ARL8B: variants seen among roughly 807,000 people sequenced by gnomAD.
ARL8B encodes ADP-ribosylation factor-like protein 8B.
Under a neutral mutation model 30.6 loss-of-function variants are expected in ARL8B, and 9 were observed. That is an observed-to-expected ratio of 0.29 (90% CI 0.18 to 0.51). ARL8B has a LOEUF of 0.51. Among genes scored for constraint, ARL8B ranks in the 20% least tolerant of loss-of-function variants. ARL8B has a pLI of 0.97. For missense variants in ARL8B, 130 were observed against 227.2 expected (o/e 0.57, Z 2.75); for synonymous variants, 74 against 76.0 (o/e 0.97, Z 0.14).
intron 4 of ARL8B, among the ~76,000 whole-genome samples, chr3:5,173,597 G>A (rs1360716064): frequency 6.6e-6 from 1 of 152,114 alleles, no homozygotes; most frequent in African/African-American, 2.4e-5. Context: ...GGGCGTGGTG[G>A]TGGGCGCCTG....
chr3:5,131,301 G>A (rs2054280997), intron 1 of ARL8B, among the ~76,000 whole-genome samples: 1 of 151,972 alleles, frequency 6.6e-6, no homozygotes, highest in African/African-American at 2.4e-5. Flanking sequence ...GGAAAATCTA[G>A]GAAAAGAAAG....
intron 1 of ARL8B, among the ~76,000 whole-genome samples, chr3:5,129,079 G>A (rs2054258397): frequency 6.6e-6 from 1 of 152,148 alleles, no homozygotes; most frequent in Admixed American, 6.5e-5. Context: ...TCCAGAGTTG[G>A]TATTTCTGGG....
Position 5,122,298 on chromosome 3 carries a change from T to A in ARL8B, c.-168T>A. The stretch of plus-strand genomic sequence containing the variant: ...GTGGGGGGTAGGGCGAGTCATATGA[T>A]CCGCTCGGCTTCCTGGGTCTGGCTG... On this transcript the variant is annotated 5_prime_UTR_variant, in exon 1 of 7. Coordinates refer to ENST00000256496, the MANE Select transcript of ARL8B (RefSeq NM_018184.3). 6.7e-7 allele frequency: 1 copy of A among 1,503,116 alleles called. No individual in the cohort carries two copies. The highest frequency in any genetic ancestry group is 8.9e-7 in the Non-Finnish European group (1 of 1,126,956). 93.1% of individuals were successfully genotyped at this position (1,503,116 alleles called of 1,614,324 possible). A position where few individuals can be genotyped will look rare whatever the true frequency, so the allele number is the denominator to read the frequency against.
chr3:5,128,580 A>G (rs2054252732), intron 1 of ARL8B: 3 of 358,760 alleles, frequency 8.4e-6, no homozygotes, highest in Non-Finnish European at 1.7e-5. Context: ...TTTTTCAAAG[A>G]TATAGTAAGT....
At chr3:5,155,906 GT>G (rs555724815) in intron 1 of ARL8B, among the ~76,000 whole-genome samples, 2,071 of 148,392 alleles carry the variant, frequency 0.014, 47 homozygotes, top group African/African-American at 0.049. Flanking sequence ...GTGTGTGTGT[GT>G]TGTTTTTGTT....
intron 1 of ARL8B, among the ~76,000 whole-genome samples, chr3:5,160,865 A>C (rs1337532030): frequency 6.6e-6 from 1 of 152,188 alleles, no homozygotes; most frequent in Non-Finnish European, 1.5e-5. Context: ...TGTTGCTACT[A>C]TTTGGGATGT....
chr3:5,130,489 G>T (rs2054272948), intron 1 of ARL8B, among the ~76,000 whole-genome samples: 1 of 151,314 alleles, frequency 6.6e-6, no homozygotes, highest in African/African-American at 2.4e-5. Flanking sequence ...CCTAATCTTG[G>T]ACCTATTATA....
intron 6 of ARL8B, 97 bp from the exon 7 acceptor site, chr3:5,178,567 T>A: frequency 8.6e-7 from 1 of 1,158,058 alleles, no homozygotes; most frequent in Middle Eastern, 2.0e-4. Context: ...AGGTCAGGCA[T>A]AGTGTGTGCC....
intron 5 of ARL8B, 115 bp downstream of exon 5, chr3:5,174,199 C>T: frequency 1.7e-6 from 2 of 1,148,156 alleles, no homozygotes; most frequent in Non-Finnish European, 2.6e-6. Flanking sequence ...AAAAGTTGGC[C>T]TATCAGAGAA....
intron 1 of ARL8B, among the ~76,000 whole-genome samples, chr3:5,153,941 C>A (rs1285083984): frequency 1.3e-5 from 2 of 149,870 alleles, no homozygotes; most frequent in South Asian, 4.2e-4. Context: ...TTTTTTTTTC[C>A]CCCTCCAGCA....
Position 5,154,576 on chromosome 3 carries a change from G to A in ARL8B, c.124-15927G>A, listed in dbSNP as rs75861835. Among the ~76,000 whole-genome samples the A allele has an allele frequency of 8.6e-4, 131 of 152,150 alleles. 1 individual carries two copies. The East Asian group carries it at 0.02, about 23-fold the overall frequency. ...TCTTCAAGATTTTTAAGTGTTCAGT[G>A]ATGTTAAGTACCTTCATATTGAATG... is the stretch of plus-strand genomic sequence containing the variant. On this transcript the variant is annotated intron_variant, in intron 1 of 6. Coordinates refer to ENST00000256496, the MANE Select transcript of ARL8B (RefSeq NM_018184.3).
intron 1 of ARL8B, among the ~76,000 whole-genome samples, chr3:5,125,717 G>GA (rs1387832330): frequency 6.6e-6 from 1 of 152,060 alleles, no homozygotes; most frequent in East Asian, 1.9e-4. Context: ...ATTTTTAGTA[G>GA]AGACGGGGTT....
At chr3:5,160,865 A>G (rs1337532030) in intron 1 of ARL8B, among the ~76,000 whole-genome samples, 1 of 152,188 alleles carries the variant, frequency 6.6e-6, no homozygotes. Context: ...TGTTGCTACT[A>G]TTTGGGATGT....
At chr3:5,162,200 A>G (rs1039253604) in intron 1 of ARL8B, among the ~76,000 whole-genome samples, 46 of 152,252 alleles carry the variant, frequency 3.0e-4, no homozygotes, top group African/African-American at 1.1e-3. Flanking sequence ...TCATAAATGC[A>G]TAGTATGAGA....
intron 1 of ARL8B, among the ~76,000 whole-genome samples, chr3:5,160,004 A>G (rs2054567713): frequency 6.6e-6 from 1 of 152,218 alleles, no homozygotes; most frequent in Non-Finnish European, 1.5e-5. Context: ...TGTGACTGGT[A>G]TACTAATAAC....
rs79590317 is a variant in ARL8B at position 5,146,440 on chromosome 3, A to C, written c.123+23852A>C. On this transcript the variant is annotated intron_variant, in intron 1 of 6. Transcript: ENST00000256496. ...GGGTTCTAATAGTCCATCTTTAATT[A>C]ATTCCTCTATTACTGGTTGGAGCCT... 4.2e-3 allele frequency among the ~76,000 whole-genome samples: 642 copies of C among 152,212 alleles called. 8 individuals carry two copies. Among genetic ancestry groups the C allele is most frequent in the Non-Finnish European group, 2.8e-3 (191 of 68,010 alleles).
At chr3:5,175,592 A>G (rs192018944) in intron 6 of ARL8B, among the ~76,000 whole-genome samples, 146 of 152,368 alleles carry the variant, frequency 9.6e-4, no homozygotes, top group African/African-American at 3.4e-3. Context: ...TAGAACTGCC[A>G]TAACAAAGTA....
chr3:5,162,985 C>A (rs2054594855), intron 1 of ARL8B, among the ~76,000 whole-genome samples: 1 of 119,108 alleles, frequency 8.4e-6, no homozygotes, highest in Non-Finnish European at 1.7e-5. Context: ...GTTTAGCTCC[C>A]ACTTTTTTTT....
intron 1 of ARL8B, among the ~76,000 whole-genome samples, chr3:5,141,068 TA>T (rs2054369370): frequency 6.6e-6 from 1 of 152,188 alleles, no homozygotes; most frequent in Non-Finnish European, 1.5e-5. Flanking sequence ...ATCCCCCTTA[TA>T]AGGTTATACC....
Sources: gnomAD v4.1 joint callset for allele counts (sites outside exome capture counted in the v4.1 genomes callset) on GRCh38, gnomAD v4.1.1 for gene constraint, MANE v1.5 for transcripts, NCBI Gene and HGNC (gene_info 2026-07-23, HGNC 2026-07-21) for gene names.